SLC39A6: variants seen among roughly 807,000 people sequenced by gnomAD.
SLC39A6 encodes the protein zinc transporter ZIP6.
In SLC39A6, 51 loss-of-function variants were observed where a neutral mutation model predicts 63.5. The observed-to-expected ratio is 0.80, with a 90% CI of 0.64 to 1.01. The LOEUF (loss-of-function observed/expected upper bound fraction) is 1.01, where lower values mean the gene tolerates loss of function less well. Among genes scored for constraint, SLC39A6 ranks in the 50% least tolerant of loss-of-function variants. SLC39A6 has a pLI of 0.00. For missense variants in SLC39A6, 805 were observed against 927.8 expected, an observed-to-expected ratio of 0.87 and a Z score of 1.72; for synonymous variants, 318 against 324.7, an observed-to-expected ratio of 0.98 and a Z score of 0.22.
chr18:36,112,604 A>C, intron 7 of SLC39A6, 23 bp from the exon 8 acceptor site: 1 of 1,579,474 alleles, frequency 6.3e-7, no homozygotes, highest in East Asian at 2.2e-5. Flanking sequence ...CAATCAGAAA[A>C]AGTTTGGCTA....
At chr18:36,122,320 G>T in intron 4 of SLC39A6, 50 bp from the exon 5 acceptor site, 1 of 1,444,032 alleles carries the variant, frequency 6.9e-7, no homozygotes, top group South Asian at 1.2e-5. Flanking sequence ...TTCACACACC[G>T]AGTCAGAAAG....
chr18:36,126,692 A>T lies in SLC39A6; in HGVS notation c.316T>A (p.Ser106Thr). The T allele has an allele frequency of 6.2e-7, 1 of 1,613,376 alleles. No homozygotes were observed. Among genetic ancestry groups the T allele is most frequent in the Non-Finnish European group, 8.5e-7 (1 of 1,179,582 alleles). ...HDHHSDHEHHSDHERHSDHEH... is the reference protein window; with the variant it reads ...HDHHSDHEHHTDHERHSDHEH... ...TGGTCTGAGTGACGCTCATGGTCTG[A>T]GTGATGCTCGTGGTCTGAGTGATGG... Residue 106 changes from serine (S) to threonine (T), a missense_variant, in exon 2 of 10, where the codon TCA (serine) becomes ACA (threonine). This residue lies in a region of SLC39A6 where 639 missense variants were observed against 644.0 expected (regional missense o/e 0.99). Transcript: ENST00000269187.
chr18:36,126,198 A>G, intron 2 of SLC39A6, 21 bp downstream of exon 2: 1 of 1,600,662 alleles, frequency 6.2e-7, no homozygotes, highest in Middle Eastern at 1.7e-4. Flanking sequence ...ATATTAAAAT[A>G]ATGAACAGCA....
At position 36,122,149 on chromosome 18, in the gene SLC39A6, G is replaced by C. The variant is rs567038624; in HGVS notation, c.1262C>G (p.Thr421Arg). Residue 421 changes from threonine (T) to arginine (R), a missense_variant, in exon 5 of 10, where the codon ACG becomes AGG. Around this residue, in one of 4 missense-constraint regions of SLC39A6, gnomAD observed 639 missense variants for 644.0 expected, o/e 0.99. Coordinates refer to ENST00000269187, the MANE Select transcript of SLC39A6 (RefSeq NM_012319.4). ...TCCTAGAGCTGTTAGACCCTTCCAC[G>C]TGGAATCAAAATAGGCACTTTCTTC... ...NIEESAYFDSTWKGLTALGGL... is the reference protein window; with the variant it reads ...NIEESAYFDSRWKGLTALGGL... 1 of 1,613,856 alleles carries C rather than the reference G, an allele frequency of 6.2e-7. No individual in the cohort carries two copies. Among genetic ancestry groups the C allele is most frequent in the South Asian group, 1.1e-5 (1 of 91,072 alleles).
At chr18:36,116,815 T>C in intron 5 of SLC39A6, 36 bp from the exon 6 acceptor site, 1 of 1,435,626 alleles carries the variant, frequency 7.0e-7, no homozygotes, top group African/African-American at 1.4e-5. Context: ...TTTAAAACAG[T>C]AATTTGTTTA....
chr18:36,126,989 C>G lies in SLC39A6; in HGVS notation c.19G>C (p.Val7Leu), dbSNP rs1356818316. MARKLS[V>L]ILILTFALSV... is the part of the protein sequence containing the mutation. ...AGGGCAAAGGTCAGGATCAAGATTA[C>G]AGATAACTTCCTCGCCATTGCGCCT... The change falls in exon 2 of 10, where the codon GTA becomes CTA. Residue 7 changes from valine to leucine, a missense_variant. By Grantham distance (32) the Val-to-Leu change is conservative. Transcript: ENST00000269187. 2 of 1,611,206 alleles carry G rather than the reference C, an allele frequency of 1.2e-6. No individual in the cohort carries two copies. The highest frequency in any genetic ancestry group is 8.5e-7 in the Non-Finnish European group (1 of 1,178,264).
In SLC39A6 at chr18:36,126,288, T is replaced by C. The variant is rs760922384; in HGVS notation, c.720A>G (p.Thr240=). The C allele has an allele frequency of 4.3e-6, 7 of 1,614,256 alleles. No individual in the cohort carries two copies. In the African/African-American group the frequency reaches 6.7e-5, roughly 15 times the overall value. Residue 240 remains threonine (T), a synonymous_variant, in exon 2 of 10, where the codon ACA becomes ACG. Transcript: ENST00000269187. ...TTCGGGGCTCACTCACAGATTCATT[T>C]GTTTTCCTACCAGCCAGCCGGCTCA... The part of the protein sequence containing the change: ...SRVSRLAGRK[T]NESVSEPRKG...
chr18:36,114,474 C>A lies in SLC39A6; in HGVS notation c.1466G>T (p.Arg489Leu), dbSNP rs368521928. The A allele has an allele frequency of 6.2e-7, 1 of 1,605,516 alleles. No homozygotes were observed. The highest frequency in any genetic ancestry group is 8.5e-7 in the Non-Finnish European group (1 of 1,177,230). ...GTCTGCTCGTAAATAGCCTTCAGTT[C>A]CTAGGAATAAACATAAAGGGCATGG... is the stretch of plus-strand genomic sequence containing the variant. ...TNEEKVDTDD[R>L]TEGYLRADSQ... is the part of the protein sequence containing the mutation. Residue 489 changes from arginine (R) to leucine (L), a missense_variant and splice_region_variant, in exon 7 of 10, where the codon CGA becomes CTA. Around this residue, in one of 4 missense-constraint regions of SLC39A6, gnomAD observed 639 missense variants for 644.0 expected, o/e 0.99. Transcript: ENST00000269187.
chr18:36,110,552 T>G (rs566632418), intron 9 of SLC39A6, among the ~76,000 whole-genome samples: 92 of 152,274 alleles, frequency 6.0e-4, no homozygotes, highest in South Asian at 3.1e-3. Context: ...AATGATTTTT[T>G]TTTTGAGACA....
chr18:36,126,293 T>G lies in SLC39A6; in HGVS notation c.715A>C (p.Lys239Gln). ...GGCTCACTCACAGATTCATTTGTTT[T>G]CCTACCAGCCAGCCGGCTCACCCGG... ...KSRVSRLAGR[K>Q]TNESVSEPRK... Residue 239 changes from lysine to glutamine, a missense_variant, in exon 2 of 10, where the codon AAA becomes CAA. This residue lies in a region of SLC39A6 where 639 missense variants were observed against 644.0 expected (regional missense o/e 0.99). Transcript: ENST00000269187. 1 of 1,614,276 alleles carries G rather than the reference T, an allele frequency of 6.2e-7. No homozygotes were observed. The highest frequency in any genetic ancestry group is 8.5e-7 in the Non-Finnish European group (1 of 1,180,048).
intron 5 of SLC39A6, among the ~76,000 whole-genome samples, chr18:36,120,291 C>T (rs1403280819): frequency 1.1e-4 from 17 of 151,476 alleles, no homozygotes; most frequent in Non-Finnish European, 2.5e-4. Context: ...AGAAACTATT[C>T]AATAACATTA....
At chr18:36,111,355 AG>A in intron 8 of SLC39A6, 106 bp from the exon 9 acceptor site, 1 of 1,065,642 alleles carries the variant, frequency 9.4e-7, no homozygotes, top group Non-Finnish European at 1.3e-6. Flanking sequence ...TGTTTTTGAG[AG>A]GGGGAAAAGA....
At chr18:36,124,775 T>C in intron 2 of SLC39A6, 75 bp from the exon 3 acceptor site, 2 of 1,135,768 alleles carry the variant, frequency 1.8e-6, no homozygotes, top group Non-Finnish European at 2.4e-6. Context: ...ATACCCTTTT[T>C]TACTAATGCT....
At chr18:36,115,814 T>A (rs1024217617) in intron 6 of SLC39A6, among the ~76,000 whole-genome samples, 1 of 152,056 alleles carries the variant, frequency 6.6e-6, no homozygotes, top group Non-Finnish European at 1.5e-5. Flanking sequence ...CTTAACTCAG[T>A]CTGTCCGACA....
At chr18:36,120,603 T>C (rs146476163) in intron 5 of SLC39A6, among the ~76,000 whole-genome samples, 1 of 152,352 alleles carries the variant, frequency 6.6e-6, no homozygotes, top group Non-Finnish European at 1.5e-5. Context: ...CTTATTACTG[T>C]AATTGCACAA....
Position 36,116,666 on chromosome 18 carries a change from G to GATCATACGTATCTATC in SLC39A6, c.1465+7_1465+8insGATAGATACGTATGAT, listed in dbSNP as rs764730891. On this transcript the variant is annotated splice_region_variant and intron_variant, in intron 6 of 9. Transcript: ENST00000269187. ...CTCCAGCCCTAAAATTTATGCATAA[G>GATCATACGTATCTATC]AACTTACGATCATCTGTATCTACTT... 4.6e-4 allele frequency: 729 copies of GATCATACGTATCTATC among 1,581,082 alleles called. 3 individuals carry two copies. The highest frequency in any genetic ancestry group is 5.5e-4 in the Non-Finnish European group (634 of 1,150,792).
chr18:36,126,681 C>T lies in SLC39A6; in HGVS notation c.327G>A (p.Glu109=), dbSNP rs758326829. 6.2e-7 allele frequency: 1 copy of T among 1,602,996 alleles called. No individual in the cohort carries two copies. Among genetic ancestry groups the T allele is most frequent in the South Asian group, 1.1e-5 (1 of 90,036 alleles). ...HSDHEHHSDH[E]RHSDHEHHSE... is the part of the protein sequence containing the mutation. ...AGTGATGCTCATGGTCTGAGTGACGCTCATGGTCTGAGTGATGCTCGTGGT... is the reference window on the plus strand; with the variant it reads ...AGTGATGCTCATGGTCTGAGTGACGTTCATGGTCTGAGTGATGCTCGTGGT... Residue 109 remains glutamate (E), a synonymous_variant, in exon 2 of 10, where the codon GAG becomes GAA. Transcript: ENST00000269187.
intron 9 of SLC39A6, among the ~76,000 whole-genome samples, chr18:36,110,057 T>C (rs1388440950): frequency 6.6e-6 from 1 of 152,188 alleles, no homozygotes. Context: ...ATATCTGAAC[T>C]GGATATAACA....
chr18:36,126,427 G>C lies in SLC39A6; in HGVS notation c.581C>G (p.Thr194Ser). 1.2e-6 allele frequency: 2 copies of C among 1,614,232 alleles called. No homozygotes were observed. Among genetic ancestry groups the C allele is most frequent in the Non-Finnish European group, 1.7e-6 (2 of 1,180,020 alleles). ...ASEVTSTVYN[T>S]VSEGTHFLET... Reference sequence around the variant, plus strand: ...TAGAAAGTGAGTTCCTTCAGAGACAGTGTTGTACACAGTTGAGGTCACTTC... The same window carrying C: ...TAGAAAGTGAGTTCCTTCAGAGACACTGTTGTACACAGTTGAGGTCACTTC... The change falls in exon 2 of 10, where the codon ACT becomes AGT. Residue 194 changes from threonine (T) to serine (S), a missense_variant. Transcript: ENST00000269187.
Sources: allele counts gnomAD v4.1 joint callset (sites outside exome capture counted in the v4.1 genomes callset), GRCh38; gene constraint gnomAD v4.1.1; regional missense constraint gnomAD v4.1.1; transcripts MANE v1.5; gene names NCBI Gene and HGNC (gene_info 2026-07-23, HGNC 2026-07-21).